Variants in CTDSPL2 observed in about 807,000 individuals in gnomAD.
The protein encoded by CTDSPL2 is CTD small phosphatase like 2, also known as CTD small phosphatase-like protein 2.
A neutral mutation model predicts 60.0 loss-of-function variants in CTDSPL2; 5 were observed. That is an observed-to-expected ratio of 0.08 (90% CI 0.04 to 0.18). The LOEUF is 0.18. CTDSPL2 is among the 10% of genes least tolerant of loss of function. CTDSPL2 has a pLI of 1.00. For synonymous variants in CTDSPL2, 186 were observed against 189.3 expected (o/e 0.98, Z 0.14); for missense variants, 370 against 548.8 (o/e 0.67, Z 3.26).
Position 44,497,112 on chromosome 15 carries a change from C to G in CTDSPL2, c.856C>G (p.Pro286Ala). The G allele has an allele frequency of 6.2e-7, 1 of 1,604,398 alleles. No individual in the cohort carries two copies. The highest frequency in any genetic ancestry group is 8.5e-7 in the Non-Finnish European group (1 of 1,171,942). Residue 286 changes from proline (P) to alanine (A), a missense_variant, in exon 7 of 13, where the codon CCG becomes GCG. Transcript: ENST00000260327. ...PALPLKTRST[P>A]EFSLVLDLDE... ...TCTTCCGTTGAAAACAAGAAGCACA[C>G]CGGAATTCTCCCTAGTTTTAGACTT...
intron 2 of CTDSPL2, among the ~76,000 whole-genome samples, chr15:44,473,940 G>A (rs2080861066): frequency 6.6e-6 from 1 of 152,040 alleles, no homozygotes. Flanking sequence ...AGGCTCAGGT[G>A]ATCCTCACGC....
chr15:44,491,899 T>G (rs992232202), intron 5 of CTDSPL2, among the ~76,000 whole-genome samples: 2 of 152,120 alleles, frequency 1.3e-5, no homozygotes, highest in Non-Finnish European at 2.9e-5. Flanking sequence ...TCTCACTCTG[T>G]CGCCCACGCT....
intron 5 of CTDSPL2, among the ~76,000 whole-genome samples, chr15:44,495,908 G>A (rs1330833223): frequency 1.3e-5 from 2 of 152,012 alleles, no homozygotes; most frequent in Admixed American, 1.3e-4. Flanking sequence ...ACTCTAGCCT[G>A]GGCGACAGAT....
chr15:44,491,502 T>G (rs7166278), intron 5 of CTDSPL2, among the ~76,000 whole-genome samples: 15,094 of 152,088 alleles, frequency 0.099, 1,550 homozygotes, highest in African/African-American at 0.24. Context: ...TTCGGAGCCA[T>G]TTGTCCTTGA....
chr15:44,498,709 A>T (rs1194397007), intron 7 of CTDSPL2, among the ~76,000 whole-genome samples: 1 of 151,860 alleles, frequency 6.6e-6, no homozygotes, highest in Admixed American at 6.6e-5. Context: ...GACCAGCCTG[A>T]CCAATATAGT....
intron 2 of CTDSPL2, among the ~76,000 whole-genome samples, chr15:44,473,512 G>T (rs188193104): frequency 6.6e-6 from 1 of 151,268 alleles, no homozygotes; most frequent in Non-Finnish European, 1.5e-5. Flanking sequence ...AGTCAGAATG[G>T]TCTCGATCTC....
chr15:44,509,563 A>G (rs779230720), intron 8 of CTDSPL2, among the ~76,000 whole-genome samples: 1 of 152,300 alleles, frequency 6.6e-6, no homozygotes, highest in Non-Finnish European at 1.5e-5. Context: ...TTTCAGTACT[A>G]TCTATATACA....
chr15:44,467,377 C>A (rs2080718063), intron 2 of CTDSPL2, among the ~76,000 whole-genome samples: 1 of 152,134 alleles, frequency 6.6e-6, no homozygotes, highest in African/African-American at 2.4e-5. Flanking sequence ...GAGAACAACA[C>A]CCTTGCCTTG....
chr15:44,471,971 TAAAAA>T (rs201621712), intron 2 of CTDSPL2, among the ~76,000 whole-genome samples: 1 of 140,730 alleles, frequency 7.1e-6, no homozygotes, highest in African/African-American at 2.6e-5. Context: ...GAATAAAAAT[TAAAAA>T]AAAAAAAAGA....
rs145589633 is a variant in CTDSPL2, at chr15:44,513,597, T to C, written c.970-1001T>C. 6.3e-3 allele frequency among the ~76,000 whole-genome samples: 957 copies of C among 152,340 alleles called. 9 individuals are homozygous for C. Among genetic ancestry groups the C allele is most frequent in the African/African-American group, 0.022 (924 of 41,576 alleles). ...GTGTGCATGTATATGGATGCCAGAA[T>C]TGAAACTCCACTAAGCCTGGGTTTG... is the stretch of plus-strand genomic sequence containing the variant. On this transcript the variant is annotated intron_variant, in intron 8 of 12. Transcript: ENST00000260327.
At chr15:44,477,081 T>C (rs1449370678) in intron 2 of CTDSPL2, among the ~76,000 whole-genome samples, 1 of 152,196 alleles carries the variant, frequency 6.6e-6, no homozygotes, top group African/African-American at 2.4e-5. Context: ...AAAAACGAAT[T>C]AGTCAAGCGT....
intron 11 of CTDSPL2, 56 bp downstream of exon 11, chr15:44,519,351 T>G (rs993723245): frequency 1.4e-5 from 19 of 1,397,564 alleles, no homozygotes; most frequent in African/African-American, 3.0e-5. Flanking sequence ...TGAAGACACA[T>G]GCTGCCAAAC....
intron 8 of CTDSPL2, among the ~76,000 whole-genome samples, chr15:44,511,929 C>T (rs2081574768): frequency 6.7e-6 from 1 of 148,234 alleles, no homozygotes; most frequent in South Asian, 2.1e-4. Flanking sequence ...ATGGGTCATG[C>T]CTATAATCCC....
Position 44,462,700 on chromosome 15 carries a change from C to CTTTTTTTTTTTTTT in CTDSPL2, c.186+3511_186+3524dup, listed in dbSNP as rs554319789. 6.7e-4 allele frequency among the ~76,000 whole-genome samples: 56 copies of CTTTTTTTTTTTTTT among 83,734 alleles called. 2 individuals are homozygous for CTTTTTTTTTTTTTT. Among genetic ancestry groups the CTTTTTTTTTTTTTT allele is most frequent in the African/African-American group, 2.8e-3 (48 of 17,046 alleles). The allele number at this position is 83,734 out of a possible 152,430, so 54.9% of individuals were successfully genotyped here. Reference sequence around the variant, plus strand: ...GACTCTTGAACTAGAACACTCAGGACTTTTTTTTTTTTTTTTTTTTTTTTG... The same window carrying CTTTTTTTTTTTTTT: ...GACTCTTGAACTAGAACACTCAGGACTTTTTTTTTTTTTTTTTTTTTTTTTTTTTTTTTTTTTTG... On this transcript the variant is annotated intron_variant, in intron 2 of 12. Coordinates refer to ENST00000260327, the MANE Select transcript of CTDSPL2 (RefSeq NM_016396.3).
chr15:44,467,790 G>T (rs376963612), intron 2 of CTDSPL2, among the ~76,000 whole-genome samples: 3 of 152,092 alleles, frequency 2.0e-5, no homozygotes, highest in African/African-American at 7.2e-5. Flanking sequence ...GGCCAGGCTG[G>T]TCTTGAACTC....
intron 1 of CTDSPL2, among the ~76,000 whole-genome samples, chr15:44,444,540 T>G: frequency 6.6e-6 from 1 of 151,802 alleles, no homozygotes; most frequent in East Asian, 1.9e-4. Context: ...GAGACGAAGT[T>G]TCACCATGTT....
intron 2 of CTDSPL2, among the ~76,000 whole-genome samples, chr15:44,474,076 C>A (rs1485973297): frequency 6.6e-6 from 1 of 152,140 alleles, no homozygotes; most frequent in Non-Finnish European, 1.5e-5. Context: ...AGTCTACCTG[C>A]CTCGCCTTCC....
intron 1 of CTDSPL2, among the ~76,000 whole-genome samples, chr15:44,437,363 G>A (rs1472265894): frequency 1.3e-5 from 2 of 152,152 alleles, no homozygotes; most frequent in Non-Finnish European, 2.9e-5. Flanking sequence ...GTGCATTCAA[G>A]ACCTTGGGAG....
intron 1 of CTDSPL2, among the ~76,000 whole-genome samples, chr15:44,431,716 GTTT>G (rs886785067): frequency 7.5e-6 from 1 of 133,620 alleles, no homozygotes; most frequent in African/African-American, 2.8e-5. Flanking sequence ...TTGTTTGTTT[GTTT>G]TTTTTTTTTT....
Sources: allele counts gnomAD v4.1 joint callset (sites outside exome capture counted in the v4.1 genomes callset), GRCh38; gene constraint gnomAD v4.1.1; transcripts MANE v1.5; gene names NCBI Gene and HGNC (gene_info 2026-07-23, HGNC 2026-07-21).